MMP26: variants seen among roughly 807,000 people sequenced by gnomAD.
MMP26 encodes matrix metallopeptidase 26, also known as matrix metalloproteinase-26.
Under a neutral mutation model 31.0 loss-of-function variants are expected in MMP26, and 33 were observed. That is an observed-to-expected ratio of 1.06 (90% CI 0.81 to 1.42). The LOEUF is 1.42. Ranked by LOEUF, MMP26 falls within the 40% of genes most tolerant of loss-of-function variation. The pLI is 0.00. For synonymous variants in MMP26, 122 were observed against 114.9 expected (o/e 1.06, Z -0.40); for missense variants, 347 against 316.1 (o/e 1.10, Z -0.74).
intron 1 of MMP26, chr11:4,722,599 C>A (rs569849458): frequency 3.5e-6 from 2 of 564,680 alleles, no homozygotes; most frequent in South Asian, 4.6e-5. Context: ...ACTAAACTCC[C>A]CCGTGGGTGG....
intron 2 of MMP26, chr11:4,849,050 G>T (rs757054940): frequency 1.2e-6 from 2 of 1,614,078 alleles, no homozygotes; most frequent in Non-Finnish European, 1.7e-6. Flanking sequence ...TGATCCAGAG[G>T]ATGGTGCCAT....
At chr11:4,932,646 G>C (rs1851366814) in intron 2 of MMP26, among the ~76,000 whole-genome samples, 1 of 152,108 alleles carries the variant, frequency 6.6e-6, no homozygotes, top group Admixed American at 6.6e-5. Context: ...GCTGAGCTCT[G>C]CACAAATTAC....
chr11:4,854,980 A>C (rs1850029655), intron 2 of MMP26, among the ~76,000 whole-genome samples: 1 of 152,240 alleles, frequency 6.6e-6, no homozygotes, highest in South Asian at 2.1e-4. Flanking sequence ...AGCAAACTCC[A>C]ACAGAGCTAC....
chr11:4,982,478 G>A (rs1222337628), intron 2 of MMP26, among the ~76,000 whole-genome samples: 1 of 152,070 alleles, frequency 6.6e-6, no homozygotes, highest in Admixed American at 6.6e-5. Flanking sequence ...GTTAAAAATT[G>A]CAGGCTCTGG....
chr11:4,956,873 C>G (rs1846451236), intron 2 of MMP26, among the ~76,000 whole-genome samples: 1 of 152,130 alleles, frequency 6.6e-6, no homozygotes, highest in Non-Finnish European at 1.5e-5. Flanking sequence ...ACAATAATGA[C>G]CAATATTTCT....
chr11:4,710,139 T>C (rs1311924147), intron 1 of MMP26: 1 of 456,690 alleles, frequency 2.2e-6, no homozygotes, highest in African/African-American at 2.0e-5. Flanking sequence ...GAAGCTCTCA[T>C]GCACAGACAC....
At chr11:4,914,551 CCT>C in intron 2 of MMP26, 1 of 574,090 alleles carries the variant, frequency 1.7e-6, no homozygotes, top group Non-Finnish European at 3.1e-6. Context: ...TTTACCCCCC[CCT>C]GCCCTGGCCA....
intron 2 of MMP26, among the ~76,000 whole-genome samples, chr11:4,783,127 A>C (rs991174115): frequency 3.3e-5 from 5 of 152,194 alleles, no homozygotes; most frequent in Non-Finnish European, 7.3e-5. Context: ...CAGACCCCAG[A>C]ATGATAGATC....
intron 1 of MMP26, among the ~76,000 whole-genome samples, chr11:4,754,748 G>A (rs560843679): frequency 2.6e-5 from 4 of 152,028 alleles, no homozygotes; most frequent in African/African-American, 7.2e-5. Context: ...CAGGCATTCC[G>A]TGGACAATGG....
At chr11:4,736,271 CA>C (rs1230819416) in intron 1 of MMP26, 1 of 151,900 alleles carries the variant, frequency 6.6e-6, no homozygotes, top group Admixed American at 6.6e-5. Flanking sequence ...ATGCATTGGC[CA>C]TAAGAGTGTG....
chr11:4,709,517 T>G, intron 1 of MMP26: 2 of 375,758 alleles, frequency 5.3e-6, no homozygotes, highest in South Asian at 4.0e-5. Context: ...TTCTTCTCCA[T>G]TATTACAGGA....
intron 2 of MMP26, chr11:4,860,530 C>T (rs985143823): frequency 2.6e-5 from 12 of 469,414 alleles, no homozygotes; most frequent in East Asian, 2.1e-4. Flanking sequence ...AATGAAGTTA[C>T]GGTGGTTGGC....
intron 1 of MMP26, among the ~76,000 whole-genome samples, chr11:4,705,990 T>A (rs10768186): frequency 6.7e-4 from 78 of 116,562 alleles, no homozygotes; most frequent in African/African-American, 2.3e-3. Flanking sequence ...GTGGTGGTGG[T>A]GGGGGGAGCT....
intron 1 of MMP26, among the ~76,000 whole-genome samples, chr11:4,742,101 A>G (rs1469127022): frequency 6.6e-6 from 1 of 152,228 alleles, no homozygotes. Context: ...TTCCAATGCT[A>G]TGTGACAAAA....
In MMP26 at chr11:4,798,268, C is replaced by T. The variant is rs74693908; in HGVS notation, c.-145+30927C>T. 5.9e-3 allele frequency among the ~76,000 whole-genome samples: 905 copies of T among 152,304 alleles called. 3 individuals carry two copies. Among genetic ancestry groups the T allele is most frequent in the African/African-American group, 0.02 (850 of 41,564 alleles). On this transcript the variant is annotated intron_variant, in intron 2 of 7. Coordinates refer to ENST00000380390, the MANE Select transcript of MMP26 (RefSeq NM_021801.5). ...TCACCTGGACCTTTCTTTCCTTCCACCTCTGGCCTCAGAAGACAGAGCAGG... is the reference window on the plus strand; with the variant it reads ...TCACCTGGACCTTTCTTTCCTTCCATCTCTGGCCTCAGAAGACAGAGCAGG...
chr11:4,722,845 C>T (rs1298625432), intron 1 of MMP26: 15 of 856,336 alleles, frequency 1.8e-5, no homozygotes, highest in Middle Eastern at 3.2e-4. Flanking sequence ...GAGCTGGAGC[C>T]GCGCCAGAGC....
chr11:4,874,543 G>A lies in MMP26; in HGVS notation c.-145+107202G>A, dbSNP rs143127229. 4.8e-3 allele frequency among the ~76,000 whole-genome samples: 710 copies of A among 147,486 alleles called. 6 individuals carry two copies. The highest frequency in any genetic ancestry group is 0.015 in the African/African-American group (607 of 40,832). ...TTAATTTTTATGCAGAACTTTGCTT[G>A]TATATGTGTGTGTGGTGTGTTGGTG... On this transcript the variant is annotated intron_variant, in intron 2 of 7. Coordinates refer to ENST00000380390, the MANE Select transcript of MMP26 (RefSeq NM_021801.5).
At chr11:4,881,230 C>T (rs1209508525) in intron 2 of MMP26, among the ~76,000 whole-genome samples, 1 of 152,140 alleles carries the variant, frequency 6.6e-6, no homozygotes, top group Admixed American at 6.6e-5. Flanking sequence ...TCCCCAGCAG[C>T]AAACGGAACC....
intron 1 of MMP26, among the ~76,000 whole-genome samples, chr11:4,713,432 T>C (rs919023245): frequency 2.0e-5 from 3 of 152,118 alleles, no homozygotes; most frequent in Non-Finnish European, 4.4e-5. Context: ...CTGTGCTCCA[T>C]TGTCTCCTGA....
Sources: allele counts gnomAD v4.1 joint callset (sites outside exome capture counted in the v4.1 genomes callset), GRCh38; gene constraint gnomAD v4.1.1; transcripts MANE v1.5; gene names NCBI Gene and HGNC (gene_info 2026-07-23, HGNC 2026-07-21).